CACNA1C: variants seen among roughly 807,000 people sequenced by gnomAD.
The protein encoded by CACNA1C is voltage-dependent L-type calcium channel subunit alpha-1C.
In CACNA1C, 30 loss-of-function variants were observed where a neutral mutation model predicts 229.0. The observed-to-expected ratio is 0.13, with a 90% CI of 0.10 to 0.18. CACNA1C has a LOEUF of 0.18. Ranked by LOEUF, CACNA1C falls within the 10% of genes least tolerant of loss-of-function variation. CACNA1C has a pLI of 1.00. For missense variants in CACNA1C, 1,658 were observed against 2,845.0 expected (o/e 0.58, Z 9.49); for synonymous variants, 1,114 against 1,132.5 (o/e 0.98, Z 0.33).
chr12:2,427,912 G>A (rs372964799), intron 3 of CACNA1C, among the ~76,000 whole-genome samples: 5 of 152,202 alleles, frequency 3.3e-5, no homozygotes, highest in South Asian at 2.1e-4. Context: ...GAGCCACCGC[G>A]CCTGGCCATG....
At chr12:2,105,067 C>T (rs2077690795) in intron 1 of CACNA1C, among the ~76,000 whole-genome samples, 1 of 152,190 alleles carries the variant, frequency 6.6e-6, no homozygotes, top group Non-Finnish European at 1.5e-5. Flanking sequence ...GGTTTGCTTC[C>T]AGGCGTTCCT....
chr12:2,613,408 C>A (rs914652029), intron 29 of CACNA1C: 1 of 152,182 alleles, frequency 6.6e-6, no homozygotes, highest in African/African-American at 2.4e-5. Flanking sequence ...GGTTAACTAT[C>A]ATTTTCCCAT....
intron 6 of CACNA1C, among the ~76,000 whole-genome samples, chr12:2,489,362 G>A (rs2099708803): frequency 6.6e-6 from 1 of 152,224 alleles, no homozygotes. Context: ...GTCCAGGTGA[G>A]CCATGTTCTA....
chr12:2,218,457 A>G (rs879878836), intron 3 of CACNA1C, among the ~76,000 whole-genome samples: 3 of 152,184 alleles, frequency 2.0e-5, no homozygotes, highest in African/African-American at 7.2e-5. Context: ...AAGGCAGTGC[A>G]TAGGGGCAGA....
rs1361635630 is a variant in CACNA1C at position 2,223,978 on chromosome 12, C to G, written c.477+103548C>G. Among the ~76,000 whole-genome samples the G allele has an allele frequency of 2.0e-5, 3 of 152,202 alleles. No homozygotes were observed. In the East Asian group the frequency reaches 5.8e-4, roughly 29 times the overall value. ...TCATAAAAGGTGCACACACAAAATC[C>G]CATCGGAGTTTAAAGACGGGAGAGA... is the stretch of plus-strand genomic sequence containing the variant. On this transcript the variant is annotated intron_variant, in intron 3 of 46. Transcript: ENST00000399655.
At chr12:2,106,508 G>T (rs2078702601) in intron 1 of CACNA1C, among the ~76,000 whole-genome samples, 1 of 102,752 alleles carries the variant, frequency 9.7e-6, no homozygotes, top group African/African-American at 3.8e-5. Flanking sequence ...TTCCACCTCA[G>T]CTGGGTGTCC....
At chr12:2,120,783 A>T (rs2086332615) in intron 3 of CACNA1C, among the ~76,000 whole-genome samples, 1 of 150,928 alleles carries the variant, frequency 6.6e-6, no homozygotes, top group South Asian at 2.1e-4. Context: ...CTGTTCTTGG[A>T]TTGTGTTGTA....
chr12:2,658,000 A>G (rs911985567), intron 34 of CACNA1C, among the ~76,000 whole-genome samples: 1 of 151,674 alleles, frequency 6.6e-6, no homozygotes, highest in African/African-American at 2.4e-5. Flanking sequence ...TAAGGAGAAC[A>G]CACACACACA....
chr12:2,247,537 C>T (rs899131347), intron 3 of CACNA1C, among the ~76,000 whole-genome samples: 13 of 152,308 alleles, frequency 8.5e-5, no homozygotes, highest in South Asian at 2.1e-4. Flanking sequence ...AGACTTCATC[C>T]GCCTGGTGGG....
intron 3 of CACNA1C, among the ~76,000 whole-genome samples, chr12:2,338,247 C>A (rs989874416): frequency 6.6e-6 from 1 of 152,146 alleles, no homozygotes. Flanking sequence ...TAGCAGCAAA[C>A]GTCTTCTGAA....
chr12:2,579,898 T>C (rs1185064060), intron 13 of CACNA1C, among the ~76,000 whole-genome samples: 1 of 152,236 alleles, frequency 6.6e-6, no homozygotes, highest in Non-Finnish European at 1.5e-5. Flanking sequence ...CCCAGCCACC[T>C]CTACTGATGT....
At chr12:2,563,932 G>A (rs2048873491) in intron 11 of CACNA1C, among the ~76,000 whole-genome samples, 1 of 152,216 alleles carries the variant, frequency 6.6e-6, no homozygotes, top group South Asian at 2.1e-4. Flanking sequence ...TCACAGACCA[G>A]TGAGTTCACA....
At chr12:2,424,511 G>A (rs1307629239) in intron 3 of CACNA1C, among the ~76,000 whole-genome samples, 1 of 152,192 alleles carries the variant, frequency 6.6e-6, no homozygotes, top group Non-Finnish European at 1.5e-5. Context: ...ACTGAATGTT[G>A]TCTCAGGGAC....
intron 1 of CACNA1C, among the ~76,000 whole-genome samples, chr12:2,036,816 G>A (rs1475954755): frequency 6.6e-6 from 1 of 152,210 alleles, no homozygotes; most frequent in Non-Finnish European, 1.5e-5. Flanking sequence ...TATACCTTAA[G>A]TCATTATCAG....
rs1555887055 is a variant in CACNA1C at position 2,610,687 on chromosome 12, C to T, written c.3705C>T (p.Cys1235=). Residue 1235 remains cysteine, a synonymous_variant, in exon 28 of 47, where the codon TGC becomes TGT. Coordinates refer to ENST00000399655, the MANE Select transcript of CACNA1C (RefSeq NM_000719.7). ...MFVLILLNTI[C]LAMQHYGQSC... ...TCCTCATCCTGCTCAACACCATCTGCCTGGCCATGCAGGTCAGTCCCAGGA... is the reference window on the plus strand; with the variant it reads ...TCCTCATCCTGCTCAACACCATCTGTCTGGCCATGCAGGTCAGTCCCAGGA... 1 of 1,614,110 alleles carries T rather than the reference C, an allele frequency of 6.2e-7. No individual in the cohort carries two copies. The highest frequency in any genetic ancestry group is 1.3e-5 in the African/African-American group (1 of 74,946).
intron 3 of CACNA1C, among the ~76,000 whole-genome samples, chr12:2,213,680 T>C (rs2059240092): frequency 6.6e-6 from 1 of 152,194 alleles, no homozygotes; most frequent in African/African-American, 2.4e-5. Flanking sequence ...CATCAGAGGC[T>C]AAACGCTAGG....
At chr12:2,270,248 T>C (rs922568651) in intron 3 of CACNA1C, among the ~76,000 whole-genome samples, 6 of 152,202 alleles carry the variant, frequency 3.9e-5, no homozygotes, top group Admixed American at 3.9e-4. Flanking sequence ...TATTCCATCG[T>C]CAAGACTAGT....
intron 3 of CACNA1C, among the ~76,000 whole-genome samples, chr12:2,297,258 G>A (rs982056117): frequency 6.6e-6 from 1 of 152,216 alleles, no homozygotes; most frequent in African/African-American, 2.4e-5. Context: ...AGCTGTGTTA[G>A]TGACAGCAGC....
chr12:1,979,391 T>TA (rs1439324977), intron 1 of CACNA1C, among the ~76,000 whole-genome samples: 3 of 152,202 alleles, frequency 2.0e-5, no homozygotes, highest in African/African-American at 7.2e-5. Context: ...CTTGGCTCAC[T>TA]ACAACCTCCA....
Sources: gnomAD v4.1 joint callset for allele counts (sites outside exome capture counted in the v4.1 genomes callset) on GRCh38, gnomAD v4.1.1 for gene constraint, MANE v1.5 for transcripts, NCBI Gene and HGNC (gene_info 2026-07-23, HGNC 2026-07-21) for gene names.